Variants in XRCC5 observed in about 807,000 individuals in gnomAD.
XRCC5 encodes the protein X-ray repair cross complementing 5.
In XRCC5, 12 loss-of-function variants were observed where a neutral mutation model predicts 95.7. The observed-to-expected ratio is 0.13, with a 90% CI of 0.08 to 0.20. The LOEUF (loss-of-function observed/expected upper bound fraction) is 0.20, where lower values mean the gene tolerates loss of function less well. Ranked by LOEUF, XRCC5 falls within the 10% of genes least tolerant of loss-of-function variation. The probability of loss-of-function intolerance (pLI) is 1.00; values close to 1 mark genes in which losing one functional copy is unlikely to be tolerated. For synonymous variants in XRCC5, 281 were observed against 290.3 expected (o/e 0.97, Z 0.33); for missense variants, 595 against 873.9 (o/e 0.68, Z 4.02).
chr2:216,158,788 T>C (rs1326325075), intron 14 of XRCC5, among the ~76,000 whole-genome samples: 1 of 152,230 alleles, frequency 6.6e-6, no homozygotes, highest in African/African-American at 2.4e-5. Flanking sequence ...TGATGATTAC[T>C]TTAGTTCTTT....
intron 16 of XRCC5, among the ~76,000 whole-genome samples, chr2:216,170,180 A>G (rs1689132177): frequency 6.6e-6 from 1 of 150,628 alleles, no homozygotes; most frequent in Non-Finnish European, 1.5e-5. Context: ...TAGGATTTCT[A>G]GTTTACATTT....
intron 11 of XRCC5, 91 bp from the exon 12 acceptor site, chr2:216,137,998 T>C (rs1697115351): frequency 1.8e-6 from 2 of 1,137,230 alleles, no homozygotes; most frequent in South Asian, 2.9e-5. Flanking sequence ...GAAATATTTC[T>C]GTTATGCTAC....
intron 5 of XRCC5, among the ~76,000 whole-genome samples, chr2:216,120,130 A>G (rs1696779053): frequency 6.6e-6 from 1 of 152,224 alleles, no homozygotes; most frequent in Non-Finnish European, 1.5e-5. Context: ...AAAAGAGTTC[A>G]GAATAACCCA....
intron 17 of XRCC5, among the ~76,000 whole-genome samples, chr2:216,192,194 A>C (rs1408587263): frequency 6.6e-6 from 1 of 151,958 alleles, no homozygotes; most frequent in Non-Finnish European, 1.5e-5. Context: ...AGATGGACCC[A>C]TGTTGGCCAG....
In XRCC5 at chr2:216,137,111, C is replaced by T; in HGVS notation, c.1137C>T (p.Ser379=). The part of the protein sequence containing the change: ...DDEAAAVALS[S]LIHALDDLDM... ...AGGCAGCTGCAGTTGCACTTTCCTCCCTGATTCATGCTTTGGATGACTTAG... is the reference window on the plus strand; with the variant it reads ...AGGCAGCTGCAGTTGCACTTTCCTCTCTGATTCATGCTTTGGATGACTTAG... Residue 379 remains serine, a synonymous_variant, in exon 11 of 21, where the codon TCC becomes TCT. Transcript: ENST00000392132. 2.5e-6 allele frequency: 4 copies of T among 1,613,302 alleles called. No homozygotes were observed. The highest frequency in any genetic ancestry group is 3.4e-6 in the Non-Finnish European group (4 of 1,179,590).
intron 18 of XRCC5, 72 bp downstream of exon 18, chr2:216,192,807 A>T (rs1311317570): frequency 9.9e-7 from 1 of 1,008,854 alleles, no homozygotes; most frequent in East Asian, 2.8e-5. Context: ...CTAAATATAC[A>T]TATAAATTCT....
intron 19 of XRCC5, among the ~76,000 whole-genome samples, chr2:216,197,583 C>T (rs1190799779): frequency 6.6e-6 from 1 of 152,132 alleles, no homozygotes; most frequent in African/African-American, 2.4e-5. Flanking sequence ...CATCTTCTTC[C>T]TTTTAGAGCA....
At chr2:216,134,823 A>G (rs1052669113) in intron 10 of XRCC5, among the ~76,000 whole-genome samples, 15 of 152,136 alleles carry the variant, frequency 9.9e-5, no homozygotes, top group African/African-American at 3.1e-4. Context: ...TCTTCCTCAG[A>G]TTCTCATTGT....
chr2:216,145,693 A>C (rs1688614297), intron 13 of XRCC5, among the ~76,000 whole-genome samples: 1 of 152,208 alleles, frequency 6.6e-6, no homozygotes, highest in Admixed American at 6.5e-5. Flanking sequence ...TTGGTACCTC[A>C]GAACATCTCT....
chr2:216,133,505 T>C (rs1187987616), intron 10 of XRCC5, among the ~76,000 whole-genome samples: 2 of 152,216 alleles, frequency 1.3e-5, no homozygotes, highest in African/African-American at 4.8e-5. Context: ...CCACTTACTG[T>C]CTCTTTATGC....
At chr2:216,112,553 A>G (rs1559235245) in intron 1 of XRCC5, among the ~76,000 whole-genome samples, 1 of 152,266 alleles carries the variant, frequency 6.6e-6, no homozygotes, top group African/African-American at 2.4e-5. Flanking sequence ...TATAGATTCT[A>G]GCAGTCACTT....
chr2:216,179,354 GA>G (rs1689339382), intron 16 of XRCC5, among the ~76,000 whole-genome samples: 1 of 152,102 alleles, frequency 6.6e-6, no homozygotes, highest in Admixed American at 6.5e-5. Context: ...ATCTTAATTT[GA>G]TCACACATCT....
chr2:216,112,973 T>G, intron 1 of XRCC5, 43 bp from the exon 2 acceptor site: 1 of 1,482,730 alleles, frequency 6.7e-7, no homozygotes, highest in South Asian at 1.2e-5. Flanking sequence ...AGTCTTTTCT[T>G]ACGACTTATT....
At chr2:216,175,174 C>T in intron 16 of XRCC5, 2 of 364,180 alleles carry the variant, frequency 5.5e-6, no homozygotes, top group South Asian at 4.7e-5. Context: ...ATCTCCATAG[C>T]CCCCACTACT....
chr2:216,125,953 T>A lies in XRCC5; in HGVS notation c.720T>A (p.Ile240=). ...SLRKLCVFKK[I]ERHSIHWPCR... ...GAAAACTGTGCGTCTTCAAGAAAAT[T>A]GAGAGGCATTCCATTCACTGGCCCT... The change falls in exon 7 of 21, where the codon ATT becomes ATA. Residue 240 remains isoleucine, a synonymous_variant. Transcript: ENST00000392132. 1 of 1,614,044 alleles carries A rather than the reference T, an allele frequency of 6.2e-7. No individual in the cohort carries two copies. Among genetic ancestry groups the A allele is most frequent in the African/African-American group, 1.3e-5 (1 of 75,056 alleles).
At chr2:216,190,149 A>C in intron 16 of XRCC5, 76 bp from the exon 17 acceptor site, 1 of 1,266,118 alleles carries the variant, frequency 7.9e-7, no homozygotes, top group South Asian at 1.3e-5. Context: ...ATACATACTT[A>C]TAGGCACAAA....
At chr2:216,119,218 G>A in intron 5 of XRCC5, 53 bp downstream of exon 5, 3 of 1,602,378 alleles carry the variant, frequency 1.9e-6, no homozygotes, top group Non-Finnish European at 2.6e-6. Context: ...TCCTAATATA[G>A]TGAATGGGCC....
intron 10 of XRCC5, among the ~76,000 whole-genome samples, chr2:216,134,706 G>A (rs113705868): frequency 0.077 from 11,641 of 151,000 alleles, 1,531 homozygotes; most frequent in African/African-American, 0.27. Flanking sequence ...AAAGTGTTGG[G>A]ATTACAGTTG....
At chr2:216,118,227 A>G (rs1696738500) in intron 4 of XRCC5, among the ~76,000 whole-genome samples, 2 of 150,594 alleles carry the variant, frequency 1.3e-5, no homozygotes, top group African/African-American at 4.9e-5. Flanking sequence ...ACTAGAGTGC[A>G]GTGGTGCCAA....
Sources: allele counts gnomAD v4.1 joint callset (sites outside exome capture counted in the v4.1 genomes callset), GRCh38; gene constraint gnomAD v4.1.1; transcripts MANE v1.5; gene names NCBI Gene and HGNC (gene_info 2026-07-23, HGNC 2026-07-21).